Variants in CLCC1 observed in about 807,000 individuals in gnomAD.
CLCC1 encodes the protein chloride channel CLIC like 1.
CLCC1 carries 39 observed loss-of-function variants against 63.3 expected under a neutral mutation model. That is an observed-to-expected ratio of 0.62 (90% CI 0.48 to 0.81). The LOEUF is 0.81. Among genes scored for constraint, CLCC1 ranks in the 30% least tolerant of loss-of-function variants. The pLI is 0.00. For missense variants in CLCC1, 549 were observed against 669.4 expected, an observed-to-expected ratio of 0.82 and a Z score of 1.98; for synonymous variants, 217 against 239.8, an observed-to-expected ratio of 0.90 and a Z score of 0.88.
rs1250273929 is a variant in CLCC1 at position 108,937,359 on chromosome 1, C to T, written c.1101G>A (p.Glu367=). 1 of 1,614,080 alleles carries T rather than the reference C, an allele frequency of 6.2e-7. No individual in the cohort carries two copies. The highest frequency in any genetic ancestry group is 1.7e-5 in the Admixed American group (1 of 60,012). ...VHVLRHIGGP[E]SEPPQALRPR... Reference sequence around the variant, plus strand: ...GCCGAAGTGCCTGGGGAGGTTCGCTCTCAGGACCGCCTATATGTCTCAGCA... The same window carrying T: ...GCCGAAGTGCCTGGGGAGGTTCGCTTTCAGGACCGCCTATATGTCTCAGCA... The change falls in exon 11 of 13, where the codon GAG becomes GAA. Residue 367 remains glutamate (E), a synonymous_variant. Transcript: ENST00000369969.
intron 9 of CLCC1, 79 bp downstream of exon 9, chr1:108,939,966 G>T: frequency 3.0e-6 from 4 of 1,314,528 alleles, no homozygotes; most frequent in South Asian, 2.7e-5. Flanking sequence ...TTAGCAAAAT[G>T]ACTCAAACAC....
intron 11 of CLCC1, 68 bp downstream of exon 11, chr1:108,937,009 A>T: frequency 8.7e-7 from 1 of 1,148,244 alleles, no homozygotes; most frequent in Non-Finnish European, 1.2e-6. Context: ...AAAAACAATC[A>T]GACCTCTTCC....
At chr1:108,963,191 C>T (rs370297033) in intron 1 of CLCC1, among the ~76,000 whole-genome samples, 170 bp downstream of exon 1, 164 of 152,316 alleles carry the variant, frequency 1.1e-3, no homozygotes, top group African/African-American at 3.3e-3. Context: ...GGTAGGAGCC[C>T]GGGGCACCCA....
chr1:108,939,793 A>G lies in CLCC1; in HGVS notation c.895-11T>C. 6.2e-7 allele frequency: 1 copy of G among 1,611,862 alleles called. No homozygotes were observed. The highest frequency in any genetic ancestry group is 8.5e-7 in the Non-Finnish European group (1 of 1,179,116). On this transcript the variant is annotated splice_polypyrimidine_tract_variant and intron_variant, in intron 9 of 12. Coordinates refer to ENST00000369969, the MANE Select transcript of CLCC1 (RefSeq NM_001377458.1). ...TGTAACTGCAAGTGCCTAAAACGAG[A>G]GAAAAGCAACTTAATTTTCTCCTCA...
At chr1:108,955,439 C>T (rs1263997364) in intron 2 of CLCC1, among the ~76,000 whole-genome samples, 2 of 151,362 alleles carry the variant, frequency 1.3e-5, no homozygotes, top group East Asian at 3.9e-4. Flanking sequence ...TCTGGGCTGG[C>T]CCTGTGACTA....
intron 2 of CLCC1, among the ~76,000 whole-genome samples, chr1:108,958,079 C>T (rs1345706153): frequency 1.3e-5 from 2 of 151,202 alleles, no homozygotes; most frequent in Admixed American, 6.6e-5. Flanking sequence ...AGAGGTCAGG[C>T]GATCAGAGGG....
rs1001204243 is a variant in CLCC1, at chr1:108,931,586, T to C, written c.*961A>G. The C allele has an allele frequency of 6.5e-5, 93 of 1,421,186 alleles. No homozygotes were observed. Among genetic ancestry groups the C allele is most frequent in the Non-Finnish European group, 8.5e-5 (91 of 1,076,444 alleles). The allele number at this position is 1,421,186 out of a possible 1,614,324, so 88.0% of individuals were successfully genotyped here. ...CTATTTCTCTAATGGCCAATGTTTT[T>C]TAAGAGTCATAACCTGGAATTAATT... On this transcript the variant is annotated 3_prime_UTR_variant, in exon 13 of 13. Transcript: ENST00000369969.
intron 2 of CLCC1, among the ~76,000 whole-genome samples, chr1:108,951,953 T>C (rs1348020608): frequency 6.8e-6 from 1 of 147,812 alleles, no homozygotes; most frequent in Non-Finnish European, 1.5e-5. Context: ...ATTAATTAAC[T>C]TTTTTGTAGA....
Position 108,937,314 on chromosome 1 carries a change from C to G in CLCC1, c.1146G>C (p.Gln382His), listed in dbSNP as rs1412379725. ...CATCAGGTCTATAATCAATTTCCTCCTGCCGTCTTCTATCCCGTGGCCGAA... is the reference window on the plus strand; with the variant it reads ...CATCAGGTCTATAATCAATTTCCTCGTGCCGTCTTCTATCCCGTGGCCGAA... ...QALRPRDRRR[Q>H]EEIDYRPDGG... The change falls in exon 11 of 13, where the codon CAG becomes CAC. Residue 382 changes from glutamine (Q) to histidine (H), a missense_variant. Transcript: ENST00000369969. 1.1e-5 allele frequency: 18 copies of G among 1,614,216 alleles called. No homozygotes were observed. The highest frequency in any genetic ancestry group is 1.5e-5 in the Non-Finnish European group (18 of 1,180,020).
chr1:108,947,685 A>G lies in CLCC1; in HGVS notation c.265T>C (p.Tyr89His). The G allele has an allele frequency of 6.2e-7, 1 of 1,610,936 alleles. No individual in the cohort carries two copies. Among genetic ancestry groups the G allele is most frequent in the Non-Finnish European group, 8.5e-7 (1 of 1,178,536 alleles). ...AAAACAGGATTGCTTTGACTTTCAT[A>G]GTCTTCCCTCTTTTTCTTTTCACAC... ...DECEKKKREDYESQSNPVFRR... is the reference protein window; with the variant it reads ...DECEKKKREDHESQSNPVFRR... The change falls in exon 5 of 13, where the codon TAT becomes CAT. Residue 89 changes from tyrosine (Y) to histidine (H), a missense_variant. Physicochemically the swap from Tyr to His is moderately conservative, Grantham distance 83 (BLOSUM62 2). Coordinates refer to ENST00000369969, the MANE Select transcript of CLCC1 (RefSeq NM_001377458.1).
intron 11 of CLCC1, among the ~76,000 whole-genome samples, chr1:108,935,300 G>A (rs1231522893): frequency 6.6e-6 from 1 of 152,158 alleles, no homozygotes; most frequent in Non-Finnish European, 1.5e-5. Flanking sequence ...GGATACAGCA[G>A]GAACAAAATA....
intron 9 of CLCC1, 115 bp downstream of exon 9, chr1:108,939,930 A>G: frequency 7.8e-7 from 1 of 1,274,810 alleles, no homozygotes; most frequent in Admixed American, 2.5e-5. Context: ...ACTGTGCAAA[A>G]GTATTTTTTC....
chr1:108,950,020 A>C (rs974097311), intron 3 of CLCC1, 99 bp from the exon 4 acceptor site: 5 of 767,392 alleles, frequency 6.5e-6, no homozygotes, highest in Non-Finnish European at 8.6e-6. Flanking sequence ...TCATTTCATG[A>C]CTCTGCATGT....
chr1:108,929,877 C>A lies in CLCC1; in HGVS notation c.*2670G>T. On this transcript the variant is annotated 3_prime_UTR_variant, in exon 13 of 13. Transcript: ENST00000369969. ...GAGACACTGACTTTGGGCTAAAGGA[C>A]TTTTTGCAAAATAATGCTTTGTTGG... 6.2e-7 allele frequency: 1 copy of A among 1,613,770 alleles called. No homozygotes were observed.
In CLCC1 at chr1:108,930,083, A is replaced by G; in HGVS notation, c.*2464T>C. 1 of 764,962 alleles carries G rather than the reference A, an allele frequency of 1.3e-6. No homozygotes were observed. 47.4% of individuals were successfully genotyped at this position (764,962 alleles called of 1,614,324 possible). A position where few individuals can be genotyped will look rare whatever the true frequency, so the allele number is the denominator to read the frequency against. The stretch of plus-strand genomic sequence containing the variant: ...GTAAATAGTTAACCTTCAGTAGTCT[A>G]TTAAGGCATTAATACTTCTCTGGAC... On this transcript the variant is annotated 3_prime_UTR_variant, in exon 13 of 13. Coordinates refer to ENST00000369969, the MANE Select transcript of CLCC1 (RefSeq NM_001377458.1).
At chr1:108,936,783 G>T (rs189427722) in intron 11 of CLCC1, among the ~76,000 whole-genome samples, 20 of 152,302 alleles carry the variant, frequency 1.3e-4, no homozygotes, top group East Asian at 7.7e-4. Flanking sequence ...TCTCTTCAAA[G>T]ATAGAAATTT....
chr1:108,949,766 T>C (rs1045416987), intron 4 of CLCC1, 54 bp downstream of exon 4: 11 of 905,884 alleles, frequency 1.2e-5, no homozygotes, highest in East Asian at 8.5e-5. Context: ...GACAAGAATA[T>C]AGAGCGATTT....
intron 2 of CLCC1, among the ~76,000 whole-genome samples, chr1:108,951,495 T>C (rs1655175071): frequency 6.6e-6 from 1 of 152,222 alleles, no homozygotes; most frequent in Admixed American, 6.5e-5. Flanking sequence ...GACACCATGC[T>C]ACAACACATA....
intron 2 of CLCC1, among the ~76,000 whole-genome samples, chr1:108,957,284 C>T (rs561070768): frequency 3.3e-5 from 5 of 151,508 alleles, no homozygotes; most frequent in East Asian, 3.9e-4. Flanking sequence ...AGTATGGCCA[C>T]GTAATAGTTA....
Sources: allele counts gnomAD v4.1 joint callset (sites outside exome capture counted in the v4.1 genomes callset), GRCh38; gene constraint gnomAD v4.1.1; transcripts MANE v1.5; gene names NCBI Gene and HGNC (gene_info 2026-07-23, HGNC 2026-07-21).